Variants in DENND5B observed in about 807,000 individuals in gnomAD.
DENND5B encodes DENN domain containing 5B, also known as DENN domain-containing protein 5B.
In DENND5B, 34 loss-of-function variants were observed where a neutral mutation model predicts 140.6. The observed-to-expected ratio is 0.24, with a 90% CI of 0.18 to 0.32. The LOEUF (loss-of-function observed/expected upper bound fraction) is 0.32. Among genes scored for constraint, DENND5B ranks in the 10% least tolerant of loss-of-function variants. The pLI is 1.00. For missense variants in DENND5B, 1,142 were observed against 1,560.2 expected (o/e 0.73, Z 4.52); for synonymous variants, 551 against 562.1 (o/e 0.98, Z 0.28).
intron 2 of DENND5B, among the ~76,000 whole-genome samples, chr12:31,493,465 G>A (rs1292344491): frequency 2.6e-5 from 4 of 151,890 alleles, no homozygotes; most frequent in Admixed American, 6.6e-5. Flanking sequence ...AGGCTGAGGC[G>A]GGTGGATCAC....
intron 3 of DENND5B, 67 bp downstream of exon 3, chr12:31,479,522 T>G: frequency 7.3e-7 from 1 of 1,369,838 alleles, no homozygotes; most frequent in Non-Finnish European, 9.6e-7. Flanking sequence ...ATATACCCCA[T>G]GGAAACACAG....
chr12:31,435,291 A>G (rs945279022), intron 7 of DENND5B, among the ~76,000 whole-genome samples: 1 of 152,094 alleles, frequency 6.6e-6, no homozygotes, highest in Non-Finnish European at 1.5e-5. Flanking sequence ...CCTGCCCTCT[A>G]CTTAGACAAT....
chr12:31,460,730 T>C (rs967820243), intron 3 of DENND5B, among the ~76,000 whole-genome samples: 16 of 152,140 alleles, frequency 1.1e-4, no homozygotes, highest in East Asian at 1.9e-4. Flanking sequence ...CAGTGTAACA[T>C]TGTTATTATT....
chr12:31,391,286 A>T (rs530181224), intron 19 of DENND5B, among the ~76,000 whole-genome samples: 31 of 152,170 alleles, frequency 2.0e-4, no homozygotes, highest in Admixed American at 2.0e-4. Flanking sequence ...CCCTCCTCCC[A>T]GATATCTACA....
intron 1 of DENND5B, among the ~76,000 whole-genome samples, chr12:31,532,041 A>G (rs990978778): frequency 2.6e-4 from 39 of 152,360 alleles, no homozygotes; most frequent in African/African-American, 8.9e-4. Context: ...GCCTGCTCTC[A>G]TGGAATTTCC....
intron 4 of DENND5B, among the ~76,000 whole-genome samples, chr12:31,453,454 T>G (rs1475445643): frequency 6.6e-6 from 1 of 152,208 alleles, no homozygotes; most frequent in African/African-American, 2.4e-5. Context: ...TGTAGTAGAC[T>G]TCAAACAGTA....
intron 1 of DENND5B, among the ~76,000 whole-genome samples, chr12:31,558,053 A>G (rs1017649608): frequency 6.6e-6 from 1 of 151,926 alleles, no homozygotes; most frequent in Non-Finnish European, 1.5e-5. Context: ...CGTCTCTTAG[A>G]AAAAAAAGTC....
intron 1 of DENND5B, among the ~76,000 whole-genome samples, chr12:31,584,879 G>A (rs1416354716): frequency 7.2e-6 from 1 of 139,772 alleles, no homozygotes; most frequent in Non-Finnish European, 1.5e-5. Context: ...GAAATAGTTG[G>A]CGGCTATACT....
rs1027069179 is a variant in DENND5B, at chr12:31,382,538, T to C, written c.*5065A>G. On this transcript the variant is annotated 3_prime_UTR_variant, in exon 21 of 21. Transcript: ENST00000389082. ...CATTCTAAATGTTTCACACCCTCAT[T>C]TGATTGACAACAGGAACTCCTTACT... The C allele has an allele frequency of 2.0e-5, 3 of 152,268 alleles. No homozygotes were observed. Among genetic ancestry groups the C allele is most frequent in the South Asian group, 2.1e-4 (1 of 4,824 alleles). 9.4% of individuals were successfully genotyped at this position (152,268 alleles called of 1,614,324 possible).
chr12:31,553,313 A>G (rs529448316), intron 1 of DENND5B, among the ~76,000 whole-genome samples: 57 of 152,098 alleles, frequency 3.7e-4, no homozygotes, highest in Admixed American at 6.6e-4. Flanking sequence ...CCTTCATTTC[A>G]TTATTTACCC....
At chr12:31,388,265 CAG>C (rs1940950069) in intron 20 of DENND5B, among the ~76,000 whole-genome samples, 1 of 110,648 alleles carries the variant, frequency 9.0e-6, no homozygotes, top group Non-Finnish European at 1.8e-5. Flanking sequence ...TATAACATAA[CAG>C]GGTGAGGAAC....
At chr12:31,487,209 G>T (rs1437110216) in intron 2 of DENND5B, among the ~76,000 whole-genome samples, 5 of 152,212 alleles carry the variant, frequency 3.3e-5, no homozygotes, top group Admixed American at 2.6e-4. Flanking sequence ...ATGTATATTT[G>T]GATAGAATGA....
chr12:31,476,358 T>C (rs1945807886), intron 3 of DENND5B, among the ~76,000 whole-genome samples: 1 of 151,758 alleles, frequency 6.6e-6, no homozygotes, highest in Non-Finnish European at 1.5e-5. Flanking sequence ...GAAGATTATA[T>C]GGGACTAATA....
intron 1 of DENND5B, among the ~76,000 whole-genome samples, chr12:31,568,206 C>A (rs551882541): frequency 2.0e-5 from 3 of 152,184 alleles, no homozygotes; most frequent in African/African-American, 7.2e-5. Flanking sequence ...TATAAAATTA[C>A]CTTCAGGCTA....
intron 12 of DENND5B, among the ~76,000 whole-genome samples, 162 bp downstream of exon 12, chr12:31,415,205 A>G (rs1396630894): frequency 6.6e-6 from 1 of 152,234 alleles, no homozygotes; most frequent in Non-Finnish European, 1.5e-5. Flanking sequence ...GAAACACTAC[A>G]ATGGTATAAA....
chr12:31,488,869 T>C (rs1946409383), intron 2 of DENND5B, among the ~76,000 whole-genome samples: 1 of 152,156 alleles, frequency 6.6e-6, no homozygotes, highest in African/African-American at 2.4e-5. Flanking sequence ...AACTAAAAAT[T>C]AGAGGTGTCA....
intron 1 of DENND5B, among the ~76,000 whole-genome samples, chr12:31,522,329 G>A (rs1264453295): frequency 6.6e-6 from 1 of 152,204 alleles, no homozygotes; most frequent in Non-Finnish European, 1.5e-5. Context: ...AAAATTTGCT[G>A]TACTCTGCAG....
At chr12:31,559,268 C>A (rs1949396371) in intron 1 of DENND5B, among the ~76,000 whole-genome samples, 1 of 152,092 alleles carries the variant, frequency 6.6e-6, no homozygotes, top group African/African-American at 2.4e-5. Context: ...AAATCAAACT[C>A]AAAGACAAGC....
chr12:31,504,496 C>T (rs1424647346), intron 1 of DENND5B, among the ~76,000 whole-genome samples: 3 of 152,168 alleles, frequency 2.0e-5, no homozygotes, highest in Admixed American at 1.3e-4. Context: ...ATTTCTATAG[C>T]ATGCTTGTGG....
Sources: allele counts gnomAD v4.1 joint callset (sites outside exome capture counted in the v4.1 genomes callset), GRCh38; gene constraint gnomAD v4.1.1; transcripts MANE v1.5; gene names NCBI Gene and HGNC (gene_info 2026-07-23, HGNC 2026-07-21).